COL24A1: variants seen among roughly 807,000 people sequenced by gnomAD.
The protein encoded by COL24A1 is collagen alpha-1(XXIV) chain.
COL24A1 carries 224 observed loss-of-function variants against 253.9 expected under a neutral mutation model. The observed-to-expected ratio is 0.88, with a 90% CI of 0.79 to 0.99. The LOEUF (loss-of-function observed/expected upper bound fraction) is 0.99. COL24A1 is among the 50% of genes least tolerant of loss of function. COL24A1 has a pLI of 0.00. For synonymous variants in COL24A1, 685 were observed against 673.7 expected (o/e 1.02, Z -0.26); for missense variants, 2,131 against 2,068.5 (o/e 1.03, Z -0.59).
At chr1:86,008,432 A>C (rs1334463913) in intron 19 of COL24A1, among the ~76,000 whole-genome samples, 1 of 152,100 alleles carries the variant, frequency 6.6e-6, no homozygotes, top group Non-Finnish European at 1.5e-5. Context: ...TTTTTTGTAG[A>C]GATGGTGTTT....
chr1:86,021,241 A>AT (rs1036796915), intron 18 of COL24A1, among the ~76,000 whole-genome samples: 12 of 152,116 alleles, frequency 7.9e-5, no homozygotes, highest in Admixed American at 3.3e-4. Flanking sequence ...TCCTATATGT[A>AT]TTTTTTGTAT....
chr1:85,825,475 T>C, intron 43 of COL24A1, among the ~76,000 whole-genome samples: 1 of 152,206 alleles, frequency 6.6e-6, no homozygotes, highest in East Asian at 1.9e-4. Flanking sequence ...TATTTGTAGT[T>C]CTAGATCCCT....
chr1:85,926,882 A>G (rs760178306), intron 24 of COL24A1, among the ~76,000 whole-genome samples: 115 of 152,136 alleles, frequency 7.6e-4, no homozygotes, highest in Admixed American at 9.8e-4. Context: ...ACAAAGAAAG[A>G]TACAGAAAAT....
chr1:86,049,733 A>C (rs1021257680), intron 11 of COL24A1, among the ~76,000 whole-genome samples: 2 of 152,124 alleles, frequency 1.3e-5, no homozygotes. Context: ...AATTAAACAA[A>C]AATATATCTT....
At chr1:86,062,580 C>A (rs1300237510) in intron 8 of COL24A1, among the ~76,000 whole-genome samples, 1 of 152,024 alleles carries the variant, frequency 6.6e-6, no homozygotes, top group Non-Finnish European at 1.5e-5. Context: ...TGACACATGG[C>A]CAATTTTTCA....
In COL24A1 at chr1:86,092,307, T is replaced by A. The variant is rs778506357; in HGVS notation, c.1613A>T (p.Asp538Val). ...AGGTTGACCTGGGGAAAATCCTGGATCTCCTTTGGGGCCCTAAATAAAATA... is the reference window on the plus strand; with the variant it reads ...AGGTTGACCTGGGGAAAATCCTGGAACTCCTTTGGGGCCCTAAATAAAATA... ...GLPGPKGPKG[D>V]PGFSPGQPVP... Residue 538 changes from aspartate to valine, a missense_variant, in exon 6 of 60, where the codon GAT becomes GTT. Physicochemically the swap from Asp to Val is radical, Grantham distance 152. Coordinates refer to ENST00000370571, the MANE Select transcript of COL24A1 (RefSeq NM_152890.7). 4 of 1,606,330 alleles carry A rather than the reference T, an allele frequency of 2.5e-6. No homozygotes were observed. The highest frequency in any genetic ancestry group is 3.4e-6 in the Non-Finnish European group (4 of 1,174,266).
intron 35 of COL24A1, among the ~76,000 whole-genome samples, chr1:85,874,444 T>C (rs957332826): frequency 4.6e-5 from 7 of 152,296 alleles, no homozygotes; most frequent in Non-Finnish European, 8.8e-5. Flanking sequence ...AAAGGACATA[T>C]GAGGTTAAGA....
At chr1:86,087,757 A>G (rs1230204095) in intron 7 of COL24A1, among the ~76,000 whole-genome samples, 1 of 152,224 alleles carries the variant, frequency 6.6e-6, no homozygotes, top group African/African-American at 2.4e-5. Flanking sequence ...ATGTATACTC[A>G]GTAGCATAAA....
intron 7 of COL24A1, among the ~76,000 whole-genome samples, chr1:86,069,577 T>C (rs1166178729): frequency 1.3e-5 from 2 of 152,160 alleles, no homozygotes; most frequent in African/African-American, 4.8e-5. Flanking sequence ...CAGTAGCTCA[T>C]GTCTGACCCA....
At chr1:85,954,184 A>G (rs78674714) in intron 24 of COL24A1, among the ~76,000 whole-genome samples, 1 of 152,180 alleles carries the variant, frequency 6.6e-6, no homozygotes, top group Non-Finnish European at 1.5e-5. Context: ...ACACCAGTAC[A>G]TGAATGCTAG....
chr1:86,005,637 T>C (rs2101093147), intron 19 of COL24A1, among the ~76,000 whole-genome samples: 1 of 151,928 alleles, frequency 6.6e-6, no homozygotes, highest in African/African-American at 2.4e-5. Flanking sequence ...AATAAAAGAA[T>C]AAAAAGAAAT....
At chr1:86,120,338 A>G (rs1315222787) in intron 3 of COL24A1, among the ~76,000 whole-genome samples, 1 of 152,222 alleles carries the variant, frequency 6.6e-6, no homozygotes, top group Non-Finnish European at 1.5e-5. Context: ...AGAAACTACC[A>G]TCAGAGCGAA....
chr1:86,046,437 G>T (rs561062182), intron 12 of COL24A1, among the ~76,000 whole-genome samples: 14 of 152,202 alleles, frequency 9.2e-5, no homozygotes, highest in African/African-American at 3.4e-4. Context: ...ATTAACAGCT[G>T]AAGCACGCAT....
intron 50 of COL24A1, 146 bp downstream of exon 50, chr1:85,783,967 A>G: frequency 1.8e-6 from 1 of 562,922 alleles, no homozygotes; most frequent in South Asian, 3.5e-5. Context: ...AATTTTAAAA[A>G]CAGATGTATT....
At chr1:85,803,031 T>C (rs1671596473) in intron 47 of COL24A1, among the ~76,000 whole-genome samples, 1 of 152,242 alleles carries the variant, frequency 6.6e-6, no homozygotes, top group Admixed American at 6.5e-5. Context: ...TGGCCATTCA[T>C]GTGCAAGTTT....
rs113931280 is a variant in COL24A1, at chr1:85,810,720, T to C, written c.3951+6068A>G. 9.5e-3 allele frequency among the ~76,000 whole-genome samples: 1,443 copies of C among 152,206 alleles called. 21 individuals carry two copies. Among genetic ancestry groups the C allele is most frequent in the African/African-American group, 0.033 (1,367 of 41,534 alleles). ...CTCTACTCTCACTCTTTGTCTCTCTTGCTTGTTACTGCTTTCACCGTGTGA... is the reference window on the plus strand; with the variant it reads ...CTCTACTCTCACTCTTTGTCTCTCTCGCTTGTTACTGCTTTCACCGTGTGA... On this transcript the variant is annotated intron_variant, in intron 47 of 59. Coordinates refer to ENST00000370571, the MANE Select transcript of COL24A1 (RefSeq NM_152890.7).
intron 45 of COL24A1, among the ~76,000 whole-genome samples, chr1:85,820,037 G>A (rs1673458943): frequency 1.3e-5 from 2 of 151,884 alleles, no homozygotes; most frequent in Admixed American, 6.6e-5. Flanking sequence ...TAGTAGAGAC[G>A]GAGTTTCACC....
intron 24 of COL24A1, among the ~76,000 whole-genome samples, chr1:85,940,465 T>G (rs935057404): frequency 1.3e-5 from 2 of 150,964 alleles, no homozygotes; most frequent in South Asian, 2.1e-4. Context: ...ATTCAGCCAT[T>G]TATTTAGTCA....
intron 52 of COL24A1, among the ~76,000 whole-genome samples, chr1:85,777,406 T>C (rs1668653612): frequency 6.6e-6 from 1 of 152,204 alleles, no homozygotes; most frequent in African/African-American, 2.4e-5. Context: ...ATTGCTGTTT[T>C]AAAATATTGG....
Sources: gnomAD v4.1 joint callset for allele counts (sites outside exome capture counted in the v4.1 genomes callset) on GRCh38, gnomAD v4.1.1 for gene constraint, MANE v1.5 for transcripts, NCBI Gene and HGNC (gene_info 2026-07-23, HGNC 2026-07-21) for gene names.